Variants in GREM2 observed in about 807,000 individuals in gnomAD.
The protein encoded by GREM2 is gremlin 2, DAN family BMP antagonist, also known as gremlin-2.
Under a neutral mutation model 14.2 loss-of-function variants are expected in GREM2, and 11 were observed. That is an observed-to-expected ratio of 0.78 (90% CI 0.49 to 1.28). The LOEUF (loss-of-function observed/expected upper bound fraction) is 1.28. Ranked by LOEUF, GREM2 falls within the 50% of genes most tolerant of loss-of-function variation. The pLI is 0.00. For missense variants in GREM2, 210 were observed against 218.5 expected, an observed-to-expected ratio of 0.96 and a Z score of 0.24; for synonymous variants, 98 against 97.6, an observed-to-expected ratio of 1.00 and a Z score of -0.02.
At chr1:240,588,163 TACTGTTTTTCAGTGTTTTGC>T (rs951963406) in intron 1 of GREM2, among the ~76,000 whole-genome samples, 9 of 152,210 alleles carry the variant, frequency 5.9e-5, no homozygotes, top group South Asian at 2.1e-4. Context: ...GTGTGTTTTG[TACTGTTTTTCAGTGTTTTGC>T]ACTGTTTTTC....
At chr1:240,526,713 C>T (rs1572382710) in intron 1 of GREM2, among the ~76,000 whole-genome samples, 2 of 152,322 alleles carry the variant, frequency 1.3e-5, no homozygotes, top group Middle Eastern at 3.4e-3. Context: ...CATAGACAGA[C>T]GCACATTGTT....
intron 1 of GREM2, among the ~76,000 whole-genome samples, chr1:240,520,823 G>T (rs1287435728): frequency 6.6e-6 from 1 of 150,892 alleles, no homozygotes; most frequent in Non-Finnish European, 1.5e-5. Flanking sequence ...AATTGTAGAT[G>T]TGAGCCACTG....
At chr1:240,514,130 C>G (rs1677897961) in intron 1 of GREM2, among the ~76,000 whole-genome samples, 1 of 151,694 alleles carries the variant, frequency 6.6e-6, no homozygotes, top group South Asian at 2.1e-4. Flanking sequence ...ATCTGTAACC[C>G]CAGTTACTCG....
intron 1 of GREM2, among the ~76,000 whole-genome samples, chr1:240,609,966 G>A (rs929049442): frequency 5.3e-5 from 8 of 152,070 alleles, no homozygotes; most frequent in Admixed American, 3.9e-4. Context: ...TACCTCTCTC[G>A]GTGAAGAATG....
intron 1 of GREM2, 140 bp from the exon 2 acceptor site, chr1:240,493,616 G>T (rs1242804588): frequency 7.8e-6 from 8 of 1,019,822 alleles, no homozygotes; most frequent in Non-Finnish European, 1.1e-5. Context: ...CTTGCTGCAG[G>T]CTCAAACTCT....
intron 1 of GREM2, among the ~76,000 whole-genome samples, chr1:240,605,630 A>T (rs529884413): frequency 6.6e-6 from 1 of 152,092 alleles, no homozygotes; most frequent in African/African-American, 2.4e-5. Flanking sequence ...TAAATCTTCT[A>T]ATCCAAAAAT....
intron 1 of GREM2, among the ~76,000 whole-genome samples, chr1:240,585,890 G>A (rs1329163757): frequency 1.3e-5 from 2 of 151,862 alleles, no homozygotes; most frequent in Admixed American, 6.6e-5. Flanking sequence ...GGGAAAGGAA[G>A]CTTGTGCATT....
rs1280856152 is a variant in GREM2, at chr1:240,604,036, A to T, written c.-2+7848T>A. Among the ~76,000 whole-genome samples the T allele has an allele frequency of 2.6e-5, 4 of 151,458 alleles. No homozygotes were observed. In the South Asian group the frequency reaches 8.3e-4, roughly 32 times the overall value. On this transcript the variant is annotated intron_variant, in intron 1 of 1. Coordinates refer to ENST00000318160, the MANE Select transcript of GREM2 (RefSeq NM_022469.4). ...CCACTCACGGCGAGGGGTTAAGGGG[A>T]GGCAGGGGTGTCACACAGTAAGAGA...
intron 1 of GREM2, among the ~76,000 whole-genome samples, chr1:240,551,449 A>G (rs7521180): frequency 0.059 from 8,921 of 152,190 alleles, 720 homozygotes; most frequent in African/African-American, 0.18. Flanking sequence ...CCTGGGTTCA[A>G]GCAGTTCTCC....
At chr1:240,587,281 A>G (rs927793184) in intron 1 of GREM2, among the ~76,000 whole-genome samples, 1 of 151,520 alleles carries the variant, frequency 6.6e-6, no homozygotes, top group African/African-American at 2.4e-5. Flanking sequence ...AAAATATGTA[A>G]CTTGCATTTT....
intron 1 of GREM2, among the ~76,000 whole-genome samples, chr1:240,569,962 G>A (rs956819707): frequency 6.6e-6 from 1 of 151,956 alleles, no homozygotes; most frequent in Non-Finnish European, 1.5e-5. Flanking sequence ...ATTCTGTATT[G>A]GGCTGTTGTT....
At chr1:240,535,864 G>A in intron 1 of GREM2, among the ~76,000 whole-genome samples, 1 of 151,412 alleles carries the variant, frequency 6.6e-6, no homozygotes, top group Non-Finnish European at 1.5e-5. Flanking sequence ...AGTAAAAAGA[G>A]AGAAAGACAA....
intron 1 of GREM2, among the ~76,000 whole-genome samples, chr1:240,602,771 C>T (rs928040878): frequency 3.3e-5 from 5 of 151,690 alleles, no homozygotes; most frequent in Admixed American, 6.6e-5. Context: ...TCTGAGATCC[C>T]GCCACTGCAC....
intron 1 of GREM2, among the ~76,000 whole-genome samples, chr1:240,549,440 A>T (rs1678802301): frequency 6.6e-6 from 1 of 152,196 alleles, no homozygotes; most frequent in Admixed American, 6.5e-5. Flanking sequence ...AAAAAGAGAT[A>T]AATCCCAGCA....
chr1:240,501,229 G>A (rs1028987514), intron 1 of GREM2, among the ~76,000 whole-genome samples: 16 of 152,152 alleles, frequency 1.1e-4, no homozygotes, highest in African/African-American at 3.6e-4. Flanking sequence ...GAACTGTCAT[G>A]GAAATAATAG....
intron 1 of GREM2, among the ~76,000 whole-genome samples, chr1:240,532,219 G>C (rs761326275): frequency 9.9e-5 from 15 of 152,056 alleles, no homozygotes; most frequent in Non-Finnish European, 1.9e-4. Flanking sequence ...GAATAGCTGG[G>C]ATTATAGGTG....
At chr1:240,605,221 C>T (rs909671295) in intron 1 of GREM2, among the ~76,000 whole-genome samples, 86 of 152,088 alleles carry the variant, frequency 5.7e-4, no homozygotes, top group African/African-American at 2.0e-3. Context: ...ACCCTTTCTA[C>T]GGAAGTAAAA....
chr1:240,563,058 T>C (rs932674440), intron 1 of GREM2, among the ~76,000 whole-genome samples: 1 of 149,654 alleles, frequency 6.7e-6, no homozygotes, highest in Admixed American at 6.7e-5. Context: ...ATGTGTATAG[T>C]GAGTGTGTAT....
In GREM2 at chr1:240,493,246, G is replaced by A. The variant is rs1677308701; in HGVS notation, c.230C>T (p.Pro77Leu). Residue 77 changes from proline (P) to leucine (L), a missense_variant, in exon 2 of 2, where the codon CCG (proline) becomes CTG (leucine). Pro to Leu is a moderately conservative substitution (Grantham distance 98). Coordinates refer to ENST00000318160, the MANE Select transcript of GREM2 (RefSeq NM_022469.4). The part of the protein sequence containing the change: ...YLKSDWCKTQ[P>L]LRQTVSEEGC... Reference sequence around the variant, plus strand: ...CTCCTCGCTCACCGTCTGCCGCAGCGGCTGCGTCTTGCACCAGTCACTCTT... The same window carrying A: ...CTCCTCGCTCACCGTCTGCCGCAGCAGCTGCGTCTTGCACCAGTCACTCTT... The A allele has an allele frequency of 6.2e-7, 1 of 1,613,958 alleles. No individual in the cohort carries two copies. Among genetic ancestry groups the A allele is most frequent in the Non-Finnish European group, 8.5e-7 (1 of 1,180,042 alleles).
Sources: gnomAD v4.1 joint callset for allele counts (sites outside exome capture counted in the v4.1 genomes callset) on GRCh38, gnomAD v4.1.1 for gene constraint, MANE v1.5 for transcripts, NCBI Gene and HGNC (gene_info 2026-07-23, HGNC 2026-07-21) for gene names.